TRPC4AP: variants seen among roughly 807,000 people sequenced by gnomAD.
TRPC4AP encodes the protein transient receptor potential cation channel subfamily C member 4 associated protein.
A neutral mutation model predicts 99.0 loss-of-function variants in TRPC4AP; 45 were observed. That is an observed-to-expected ratio of 0.45 (90% CI 0.36 to 0.58). The LOEUF (loss-of-function observed/expected upper bound fraction) is 0.58, where lower values mean the gene tolerates loss of function less well. TRPC4AP is among the 20% of genes least tolerant of loss of function. The pLI is 0.00. For missense variants in TRPC4AP, 879 were observed against 985.3 expected (o/e 0.89, Z 1.44); for synonymous variants, 408 against 385.8 (o/e 1.06, Z -0.67).
intron 3 of TRPC4AP, among the ~76,000 whole-genome samples, chr20:35,061,725 A>T (rs776806513): frequency 2.6e-5 from 4 of 152,224 alleles, no homozygotes; most frequent in Non-Finnish European, 5.9e-5. Flanking sequence ...TGGATCAAAG[A>T]TCTAAATGTA....
chr20:35,032,129 C>T (rs910814979), intron 8 of TRPC4AP, among the ~76,000 whole-genome samples: 16 of 151,838 alleles, frequency 1.1e-4, no homozygotes, highest in African/African-American at 3.6e-4. Context: ...GCCTCAAGTG[C>T]TCCGCCCACC....
At chr20:35,082,776 T>C (rs184670952) in intron 1 of TRPC4AP, among the ~76,000 whole-genome samples, 1 of 152,310 alleles carries the variant, frequency 6.6e-6, no homozygotes, top group East Asian at 1.9e-4. Flanking sequence ...GAATAATTAT[T>C]TGATAACATA....
intron 16 of TRPC4AP, 122 bp downstream of exon 16, chr20:35,005,573 C>T (rs1026671888): frequency 1.6e-5 from 14 of 863,610 alleles, no homozygotes; most frequent in East Asian, 1.3e-4. Flanking sequence ...ACCTTGAGGC[C>T]GGCCACGTGG....
At chr20:35,080,255 C>G (rs981433072) in intron 1 of TRPC4AP, among the ~76,000 whole-genome samples, 1 of 151,710 alleles carries the variant, frequency 6.6e-6, no homozygotes, top group Non-Finnish European at 1.5e-5. Context: ...AATCCCAGCA[C>G]TTTGGGAGGC....
intron 5 of TRPC4AP, among the ~76,000 whole-genome samples, chr20:35,050,944 C>T (rs898836081): frequency 6.6e-6 from 1 of 151,544 alleles, no homozygotes; most frequent in African/African-American, 2.4e-5. Context: ...CCGCAGTGAG[C>T]TACAATCTGT....
chr20:35,081,273 G>A (rs2084637855), intron 1 of TRPC4AP, among the ~76,000 whole-genome samples: 1 of 152,022 alleles, frequency 6.6e-6, no homozygotes, highest in Non-Finnish European at 1.5e-5. Context: ...AGCACTTTGG[G>A]AGGCAGAGAC....
rs1478637899 is a variant in TRPC4AP at position 35,044,705 on chromosome 20, A to T, written c.665T>A (p.Ile222Asn). 1 of 1,614,014 alleles carries T rather than the reference A, an allele frequency of 6.2e-7. No homozygotes were observed. The highest frequency in any genetic ancestry group is 8.5e-7 in the Non-Finnish European group (1 of 1,179,906). The change falls in exon 7 of 19, where the codon ATC (isoleucine) becomes AAC (asparagine). Residue 222 changes from isoleucine to asparagine, a missense_variant. Ile to Asn is a moderately radical substitution (Grantham distance 149). Around this residue, in one of 3 missense-constraint regions of TRPC4AP, gnomAD observed 603 missense variants for 631.8 expected, o/e 0.95. Transcript: ENST00000252015. ...EDILGVKKEM[I>N]RLDEVPNLSS... ...CAGATTGGGGACTTCATCTAGTCGG[A>T]TCATTTCCTACAGAAGACAAAAATG...
intron 3 of TRPC4AP, among the ~76,000 whole-genome samples, chr20:35,068,984 A>AAAAAAAAAC (rs144241228): frequency 0.019 from 2,623 of 139,710 alleles, 97 homozygotes; most frequent in African/African-American, 0.071. Flanking sequence ...CACACAAAAA[A>AAAAAAAAAC]AACAAAACAT....
At chr20:35,063,816 G>A (rs547619433) in intron 3 of TRPC4AP, among the ~76,000 whole-genome samples, 39 of 152,166 alleles carry the variant, frequency 2.6e-4, no homozygotes, top group East Asian at 1.3e-3. Context: ...AGCTAGGATC[G>A]TACCACTGCA....
chr20:35,073,154 A>T (rs1276033050), intron 2 of TRPC4AP, among the ~76,000 whole-genome samples: 2 of 152,222 alleles, frequency 1.3e-5, no homozygotes, highest in Admixed American at 6.5e-5. Context: ...GAAGCTGCTC[A>T]TCAGTTTAAG....
chr20:35,041,352 G>A (rs947114205), intron 7 of TRPC4AP, among the ~76,000 whole-genome samples: 2 of 152,102 alleles, frequency 1.3e-5, no homozygotes, highest in South Asian at 4.1e-4. Flanking sequence ...AAAATCGTGC[G>A]GGTAAGGGAA....
At chr20:35,034,278 T>C (rs986765235) in intron 8 of TRPC4AP, among the ~76,000 whole-genome samples, 7 of 152,064 alleles carry the variant, frequency 4.6e-5, no homozygotes, top group Admixed American at 1.3e-4. Context: ...ACTGCCTCTC[T>C]CTGTGGGCAA....
At chr20:35,024,240 A>G (rs1426106128) in intron 8 of TRPC4AP, among the ~76,000 whole-genome samples, 1 of 151,800 alleles carries the variant, frequency 6.6e-6, no homozygotes, top group African/African-American at 2.4e-5. Context: ...TTGTGCAGCC[A>G]TTACCACAAT....
rs151046304 is a variant in TRPC4AP at position 35,067,356 on chromosome 20, G to A, written c.414+1940C>T. 2.1e-3 allele frequency among the ~76,000 whole-genome samples: 323 copies of A among 152,226 alleles called. 1 individual carries two copies. The highest frequency in any genetic ancestry group is 3.9e-3 in the Non-Finnish European group (262 of 68,020). ...TTAAATTTTAAAACACTTTCAAAAT[G>A]ACAGATAACAAGTGTTGGCAAGGAT... is the stretch of plus-strand genomic sequence containing the variant. On this transcript the variant is annotated intron_variant, in intron 3 of 18. Transcript: ENST00000252015.
chr20:35,005,586 A>T (rs1015595902), intron 16 of TRPC4AP, 109 bp downstream of exon 16: 38 of 1,049,042 alleles, frequency 3.6e-5, no homozygotes, highest in Non-Finnish European at 5.1e-5. Context: ...CCACGTGGGC[A>T]TCTGGTGCAG....
chr20:35,091,655 G>A (rs2085070898), intron 1 of TRPC4AP, among the ~76,000 whole-genome samples: 3 of 152,074 alleles, frequency 2.0e-5, no homozygotes, highest in Admixed American at 2.0e-4. Flanking sequence ...AGAAGTAGTG[G>A]ACTAGGTCCT....
chr20:35,046,829 C>T (rs1000800249), intron 6 of TRPC4AP, among the ~76,000 whole-genome samples: 1 of 152,130 alleles, frequency 6.6e-6, no homozygotes. Context: ...GTCCCACCAC[C>T]CCCAGCCCAC....
In TRPC4AP at chr20:35,069,432, G is replaced by A. The variant is rs748132480; in HGVS notation, c.298-20C>T. Reference sequence around the variant, plus strand: ...AATTTCCTAGTTTTTTTAAAAAAAAGTACATACATTGTTTTAGTAACCAAC... The same window carrying A: ...AATTTCCTAGTTTTTTTAAAAAAAAATACATACATTGTTTTAGTAACCAAC... On this transcript the variant is annotated intron_variant, in intron 2 of 18. Coordinates refer to ENST00000252015, the MANE Select transcript of TRPC4AP (RefSeq NM_015638.3). 2.7e-6 allele frequency: 4 copies of A among 1,478,354 alleles called. No individual in the cohort carries two copies. The highest frequency in any genetic ancestry group is 3.4e-5 in the Admixed American group (2 of 58,414). The allele number at this position is 1,478,354 out of a possible 1,614,324, so 91.6% of individuals were successfully genotyped here.
intron 8 of TRPC4AP, among the ~76,000 whole-genome samples, chr20:35,023,233 A>G (rs1428273328): frequency 1.3e-5 from 2 of 152,274 alleles, no homozygotes; most frequent in South Asian, 4.1e-4. Context: ...GGTGGTCTTC[A>G]GTAAATCAGT....
Sources: gnomAD v4.1 joint callset for allele counts (sites outside exome capture counted in the v4.1 genomes callset) on GRCh38, gnomAD v4.1.1 for gene constraint, gnomAD v4.1.1 regional missense constraint, MANE v1.5 for transcripts, NCBI Gene and HGNC (gene_info 2026-07-23, HGNC 2026-07-21) for gene names.